CUL9: variants seen among roughly 807,000 people sequenced by gnomAD.
CUL9 encodes cullin 9, also known as cullin-9.
In CUL9, 79 loss-of-function variants were observed where a neutral mutation model predicts 272.6. That is an observed-to-expected ratio of 0.29 (90% CI 0.24 to 0.35). The LOEUF is 0.35. Ranked by LOEUF, CUL9 falls within the 10% of genes least tolerant of loss-of-function variation. The probability of loss-of-function intolerance (pLI) is 1.00; values close to 1 mark genes in which losing one functional copy is unlikely to be tolerated. For missense variants in CUL9, 2,532 were observed against 3,255.6 expected, an observed-to-expected ratio of 0.78 and a Z score of 5.41; for synonymous variants, 1,186 against 1,286.5, an observed-to-expected ratio of 0.92 and a Z score of 1.67.
At chr6:43,188,862 A>G in intron 8 of CUL9, 147 bp downstream of exon 8, 1 of 613,912 alleles carries the variant, frequency 1.6e-6, no homozygotes, top group Non-Finnish European at 2.8e-6. Flanking sequence ...GGAGGGTTGG[A>G]TGTTTTAATG....
chr6:43,205,970 C>T (rs1286578011), intron 24 of CUL9, 37 bp from the exon 25 acceptor site: 1 of 1,592,364 alleles, frequency 6.3e-7, no homozygotes, highest in Non-Finnish European at 8.6e-7. Context: ...ACGCTGGCAC[C>T]CACACTGAGG....
intron 16 of CUL9, among the ~76,000 whole-genome samples, chr6:43,202,116 G>A (rs953988372): frequency 2.0e-5 from 3 of 152,202 alleles, no homozygotes; most frequent in Non-Finnish European, 2.9e-5. Flanking sequence ...CTTTGGGTGA[G>A]GGAAGCCATG....
At chr6:43,185,043 G>A in intron 2 of CUL9, 138 bp downstream of exon 2, 1 of 703,638 alleles carries the variant, frequency 1.4e-6, no homozygotes, top group African/African-American at 1.8e-5. Flanking sequence ...AAAAAATATA[G>A]ATTAATAGGC....
At chr6:43,208,930 C>T (rs1054923120) in intron 26 of CUL9, among the ~76,000 whole-genome samples, 6 of 151,620 alleles carry the variant, frequency 4.0e-5, no homozygotes, top group African/African-American at 7.3e-5. Flanking sequence ...CTGCAACCTC[C>T]GCCTCCCAGG....
Position 43,221,547 on chromosome 6 carries a change from G to A in CUL9, c.6753-138G>A. ...TTCAAAAGCAGAGGTGCATTCAGCA[G>A]GGCTGGGTATGACTAAGGAGACTAT... On this transcript the variant is annotated intron_variant, in intron 34 of 40. Coordinates refer to ENST00000252050, the MANE Select transcript of CUL9 (RefSeq NM_015089.4). The surrounding 1 kb of genome is among the most constrained non-coding windows in gnomAD (Gnocchi z 4.2). 1.1e-6 allele frequency: 1 copy of A among 899,358 alleles called. No homozygotes were observed. The highest frequency in any genetic ancestry group is 1.7e-6 in the Non-Finnish European group (1 of 593,232). The allele number at this position is 899,358 out of a possible 1,614,324, so 55.7% of individuals were successfully genotyped here.
At position 43,199,841 on chromosome 6, in the gene CUL9, G is replaced by A. The variant is rs1774360086; in HGVS notation, c.3157-88G>A. The A allele has an allele frequency of 7.3e-6, 8 of 1,089,896 alleles. No individual in the cohort carries two copies. The highest frequency in any genetic ancestry group is 2.0e-4 in the Middle Eastern group (1 of 5,020). The allele number at this position is 1,089,896 out of a possible 1,614,324, so 67.5% of individuals were successfully genotyped here. ...GGCATGTCTCCACAATCTCAGCCAC[G>A]ACACTTCCTTTACTGAACCCTCTCC... On this transcript the variant is annotated intron_variant, in intron 13 of 40. Coordinates refer to ENST00000252050, the MANE Select transcript of CUL9 (RefSeq NM_015089.4). This position sits in a 1 kb window ranked among gnomAD's most constrained non-coding sequence, Gnocchi z 4.4.
chr6:43,184,628 C>G lies in CUL9; in HGVS notation c.318C>G (p.Gly106=). 1.9e-6 allele frequency: 3 copies of G among 1,611,818 alleles called. No homozygotes were observed. The highest frequency in any genetic ancestry group is 2.5e-6 in the Non-Finnish European group (3 of 1,178,140). Residue 106 remains glycine (G), a synonymous_variant, in exon 2 of 41, where the codon GGC becomes GGG. Coordinates refer to ENST00000252050, the MANE Select transcript of CUL9 (RefSeq NM_015089.4). This position sits in a 1 kb window ranked among gnomAD's most constrained non-coding sequence, Gnocchi z 4.8. ...VSGSFPRDPG[G]LDEVAMGEME... The stretch of plus-strand genomic sequence containing the variant: ...GAAGCTTTCCTCGAGATCCAGGAGG[C>G]CTGGATGAAGTGGCAATGGGAGAGA...
intron 3 of CUL9, 152 bp from the exon 4 acceptor site, chr6:43,185,803 C>T: frequency 3.4e-6 from 4 of 1,163,826 alleles, no homozygotes; most frequent in South Asian, 1.6e-5. Context: ...TTTTAAGACA[C>T]TCCCTATGCC....
At position 43,199,878 on chromosome 6, in the gene CUL9, A is replaced by G. The variant is rs1255307543; in HGVS notation, c.3157-51A>G. 3.5e-6 allele frequency: 5 copies of G among 1,440,878 alleles called. No homozygotes were observed. Among genetic ancestry groups the G allele is most frequent in the Non-Finnish European group, 4.9e-6 (5 of 1,024,504 alleles). 89.3% of individuals were successfully genotyped at this position (1,440,878 alleles called of 1,614,324 possible). ...ACTGAACCCTCTCCTCAATCCTTACATGTCCTACCTCTTGTTTCCTGTAAA... is the reference window on the plus strand; with the variant it reads ...ACTGAACCCTCTCCTCAATCCTTACGTGTCCTACCTCTTGTTTCCTGTAAA... On this transcript the variant is annotated intron_variant, in intron 13 of 40. Transcript: ENST00000252050. This position sits in a 1 kb window ranked among gnomAD's most constrained non-coding sequence, Gnocchi z 4.4.
chr6:43,196,063 T>C lies in CUL9; in HGVS notation c.2389-6T>C, dbSNP rs1318689360. 1.9e-6 allele frequency: 3 copies of C among 1,608,904 alleles called. No individual in the cohort carries two copies. The highest frequency in any genetic ancestry group is 3.3e-4 in the Middle Eastern group (2 of 6,038). On this transcript the variant is annotated splice_polypyrimidine_tract_variant and splice_region_variant and intron_variant, in intron 9 of 40. Coordinates refer to ENST00000252050, the MANE Select transcript of CUL9 (RefSeq NM_015089.4). ...TCCTCACTCTGCTTTCACATCCCCC[T>C]CACAGGCACTGAAGATGCTGGCCGT... is the stretch of plus-strand genomic sequence containing the variant.
chr6:43,192,656 C>A (rs1319396827), intron 8 of CUL9, among the ~76,000 whole-genome samples: 2 of 152,188 alleles, frequency 1.3e-5, no homozygotes, highest in Non-Finnish European at 2.9e-5. Flanking sequence ...AGCCTGGCAA[C>A]AGAGCAAGAC....
At chr6:43,185,255 G>A (rs1329784656) in intron 2 of CUL9, among the ~76,000 whole-genome samples, 2 of 152,196 alleles carry the variant, frequency 1.3e-5, no homozygotes, top group East Asian at 3.9e-4. Context: ...GCACTTAGTA[G>A]GGGTAAATTT....
chr6:43,202,225 G>A (rs1208155495), intron 16 of CUL9, among the ~76,000 whole-genome samples: 1 of 152,164 alleles, frequency 6.6e-6, no homozygotes, highest in Non-Finnish European at 1.5e-5. Flanking sequence ...AGGTTTATGT[G>A]GACAGATGAT....
At chr6:43,186,882 C>G (rs1404930962) in intron 4 of CUL9, 78 bp from the exon 5 acceptor site, 2 of 1,549,172 alleles carry the variant, frequency 1.3e-6, no homozygotes, top group Admixed American at 1.8e-5. Flanking sequence ...TGGGCATGTC[C>G]TTTCAAGCCT....
At position 43,188,125 on chromosome 6, in the gene CUL9, C is replaced by T. The variant is rs753044337; in HGVS notation, c.1987+7C>T. ...ATGAAGGAGGCAGCCAGTGGTGAGT[C>T]AGGTTCTGGGAGGAAGCAATTGGAA... is the stretch of plus-strand genomic sequence containing the variant. On this transcript the variant is annotated splice_region_variant and intron_variant, in intron 7 of 40. Transcript: ENST00000252050. 1.7e-5 allele frequency: 28 copies of T among 1,613,174 alleles called. No homozygotes were observed. Among genetic ancestry groups the T allele is most frequent in the Non-Finnish European group, 2.4e-5 (28 of 1,180,008 alleles).
chr6:43,216,389 C>G lies in CUL9; in HGVS notation c.6168C>G (p.Cys2056Trp). Residue 2056 changes from cysteine (C) to tryptophan (W), a missense_variant, in exon 31 of 41, where the codon TGC (cysteine) becomes TGG (tryptophan). By Grantham distance (215) the Cys-to-Trp change is radical. Transcript: ENST00000252050. ...PEPLLLAAGL[C>W]VHQAQAVPVR... ...CACTGCTGCTGGCAGCTGGGCTGTG[C>G]GTACACCAGGCTCAGGCTGTACCCG... 6.2e-7 allele frequency: 1 copy of G among 1,614,078 alleles called. No individual in the cohort carries two copies. The highest frequency in any genetic ancestry group is 8.5e-7 in the Non-Finnish European group (1 of 1,180,014).
Position 43,200,964 on chromosome 6 carries a change from A to C in CUL9, c.3647+130A>C, listed in dbSNP as rs943392640. 10 of 1,150,350 alleles carry C rather than the reference A, an allele frequency of 8.7e-6. No homozygotes were observed. In the Admixed American group the frequency reaches 2.0e-4, roughly 23 times the overall value. The allele number at this position is 1,150,350 out of a possible 1,614,324, so 71.3% of individuals were successfully genotyped here. A position where few individuals can be genotyped will look rare whatever the true frequency, so the allele number is the denominator to read the frequency against. On this transcript the variant is annotated intron_variant, in intron 16 of 40. Transcript: ENST00000252050. This position sits in a 1 kb window ranked among gnomAD's most constrained non-coding sequence, Gnocchi z 4.0. ...CTCAAACCTATTTTGTGCAGTGAAC[A>C]CATAGACACATTGACCTGCCTTTGC...
chr6:43,188,169 A>C, intron 7 of CUL9, 51 bp downstream of exon 7: 31 of 1,596,542 alleles, frequency 1.9e-5, no homozygotes, highest in Non-Finnish European at 2.4e-5. Context: ...GGGTAGTCTC[A>C]GTAGAAGAAA....
intron 3 of CUL9, 70 bp downstream of exon 3, chr6:43,185,680 G>A (rs1772843545): frequency 6.6e-7 from 1 of 1,522,512 alleles, no homozygotes; most frequent in South Asian, 1.2e-5. Flanking sequence ...CGTGGTTCAG[G>A]ACTGAATGTT....
Sources: allele counts gnomAD v4.1 joint callset (sites outside exome capture counted in the v4.1 genomes callset), GRCh38; gene constraint gnomAD v4.1.1; non-coding constraint Gnocchi (gnomAD v3.1); transcripts MANE v1.5; gene names NCBI Gene and HGNC (gene_info 2026-07-23, HGNC 2026-07-21).